The following TMEM120B variants were observed in gnomAD, a reference collection of about 807,000 sequenced individuals.
TMEM120B encodes the protein transmembrane protein 120B.
A neutral mutation model predicts 55.5 loss-of-function variants in TMEM120B; 31 were observed. The ratio of observed to expected loss-of-function variants is 0.56; its 90% CI spans 0.42 to 0.75. The LOEUF is 0.75. Among genes scored for constraint, TMEM120B ranks in the 30% least tolerant of loss-of-function variants. The pLI is 0.00. For synonymous variants in TMEM120B, 203 were observed against 176.3 expected, an observed-to-expected ratio of 1.15 and a Z score of -1.20; for missense variants, 399 against 425.5, an observed-to-expected ratio of 0.94 and a Z score of 0.55.
chr12:121,746,624 G>T (rs1167350058), intron 2 of TMEM120B, among the ~76,000 whole-genome samples: 1 of 152,086 alleles, frequency 6.6e-6, no homozygotes, highest in African/African-American at 2.4e-5. Flanking sequence ...TATGTGCTGG[G>T]ACTATAACAT....
intron 1 of TMEM120B, among the ~76,000 whole-genome samples, chr12:121,726,576 C>A (rs1448391275): frequency 9.7e-6 from 1 of 102,862 alleles, no homozygotes. Context: ...GAGACTCTGT[C>A]TCAAAAAAAA....
chr12:121,716,103 G>A (rs1014347529), intron 1 of TMEM120B, among the ~76,000 whole-genome samples: 3 of 150,842 alleles, frequency 2.0e-5, no homozygotes, highest in African/African-American at 7.3e-5. Flanking sequence ...AGCAGTTTGA[G>A]ACCAGCCTGG....
At chr12:121,714,420 TAA>T (rs979703197) in intron 1 of TMEM120B, among the ~76,000 whole-genome samples, 1 of 151,674 alleles carries the variant, frequency 6.6e-6, no homozygotes, top group African/African-American at 2.4e-5. Context: ...CGTGCCCGGC[TAA>T]TTTTTTTGTG....
In TMEM120B at chr12:121,775,498, C is replaced by T. The variant is rs966617173; in HGVS notation, c.907-111C>T. On this transcript the variant is annotated intron_variant, in intron 11 of 11. Coordinates refer to ENST00000449592, the MANE Select transcript of TMEM120B (RefSeq NM_001080825.2). The surrounding 1 kb of genome is among the most constrained non-coding windows in gnomAD (Gnocchi z 4.3). ...GAATCTCTGCCTTCGATGGCAAAACCCTGCAGTTTGGGAGTTTGGGGGCAG... is the reference window on the plus strand; with the variant it reads ...GAATCTCTGCCTTCGATGGCAAAACTCTGCAGTTTGGGAGTTTGGGGGCAG... 2.0e-6 allele frequency: 3 copies of T among 1,479,278 alleles called. No homozygotes were observed. The highest frequency in any genetic ancestry group is 2.7e-6 in the Non-Finnish European group (3 of 1,119,060). The allele number at this position is 1,479,278 out of a possible 1,614,324, so 91.6% of individuals were successfully genotyped here.
At chr12:121,754,617 G>A (rs901834451) in intron 5 of TMEM120B, among the ~76,000 whole-genome samples, 13 of 152,158 alleles carry the variant, frequency 8.5e-5, no homozygotes, top group Admixed American at 6.6e-4. Flanking sequence ...TGTTTCACTC[G>A]CCTCTGTCTC....
rs530446915 is a variant in TMEM120B at position 121,735,663 on chromosome 12, C to G, written c.70-7966C>G. 2.0e-5 allele frequency among the ~76,000 whole-genome samples: 3 copies of G among 150,196 alleles called. No homozygotes were observed. In the East Asian group the frequency reaches 5.9e-4, roughly 30 times the overall value. On this transcript the variant is annotated intron_variant, in intron 1 of 11. Transcript: ENST00000449592. ...CCGCCTGCCTTGGCCTCCCAAAATG[C>G]TGGGATTACAGGCATGAGCCACCGT...
In TMEM120B at chr12:121,758,703, A is replaced by G. The variant is rs559038224; in HGVS notation, c.462-2946A>G. The G allele has an allele frequency of 3.8e-4, 369 of 977,374 alleles. 2 individuals carry two copies. The African/African-American group carries it at 6.2e-3, about 16-fold the overall frequency. The allele number at this position is 977,374 out of a possible 1,614,324, so 60.5% of individuals were successfully genotyped here. A position where few individuals can be genotyped will look rare whatever the true frequency, so the allele number is the denominator to read the frequency against. ...GGCCTAGCTCCACGCTGTGGTCACCATGGAGGAGGACGGCCCAGCTCCACG... is the reference window on the plus strand; with the variant it reads ...GGCCTAGCTCCACGCTGTGGTCACCGTGGAGGAGGACGGCCCAGCTCCACG... On this transcript the variant is annotated intron_variant, in intron 5 of 11. Transcript: ENST00000449592.
intron 1 of TMEM120B, among the ~76,000 whole-genome samples, chr12:121,729,296 T>TC (rs549893817): frequency 5.6e-4 from 85 of 152,206 alleles, no homozygotes; most frequent in African/African-American, 1.8e-3. Context: ...AAAGCACAGA[T>TC]CCAACTGAGG....
In TMEM120B at chr12:121,775,744, G is replaced by C; in HGVS notation, c.*22G>C. ...GTGAGCCTCGGGCTCCTGTGCCCTC[G>C]GCCCGGACTTCAGACTGCAGGGGGC... On this transcript the variant is annotated 3_prime_UTR_variant, in exon 12 of 12. Coordinates refer to ENST00000449592, the MANE Select transcript of TMEM120B (RefSeq NM_001080825.2). This position sits in a 1 kb window ranked among gnomAD's most constrained non-coding sequence, Gnocchi z 4.3. 3 of 1,612,580 alleles carry C rather than the reference G, an allele frequency of 1.9e-6. No homozygotes were observed. Among genetic ancestry groups the C allele is most frequent in the Non-Finnish European group, 1.7e-6 (2 of 1,179,588 alleles).
chr12:121,773,951 CTTTTTTTTTT>C (rs560321014), intron 9 of TMEM120B, among the ~76,000 whole-genome samples: 1 of 96,614 alleles, frequency 1.0e-5, no homozygotes, highest in South Asian at 3.3e-4. Context: ...ACTCTGCTAT[CTTTTTTTTTT>C]TTTTTTTTTT....
chr12:121,747,151 A>G (rs2137156315), intron 2 of TMEM120B, among the ~76,000 whole-genome samples: 1 of 152,160 alleles, frequency 6.6e-6, no homozygotes, highest in East Asian at 1.9e-4. Flanking sequence ...TAAGGCAGAG[A>G]GGTTTAAGGA....
chr12:121,752,280 C>G, intron 5 of TMEM120B, 57 bp downstream of exon 5: 1 of 1,478,350 alleles, frequency 6.8e-7, no homozygotes, highest in Non-Finnish European at 9.4e-7. Flanking sequence ...AGGTGGGGGC[C>G]GGGAGAGAGG....
intron 1 of TMEM120B, among the ~76,000 whole-genome samples, chr12:121,728,035 T>A (rs1894929321): frequency 6.6e-6 from 1 of 151,644 alleles, no homozygotes; most frequent in Non-Finnish European, 1.5e-5. Flanking sequence ...TAAGACAGAG[T>A]CTCACTCTGT....
In TMEM120B at chr12:121,752,239, G is replaced by A. The variant is rs370130212; in HGVS notation, c.461+16G>A. 15 of 1,609,264 alleles carry A rather than the reference G, an allele frequency of 9.3e-6. No homozygotes were observed. The highest frequency in any genetic ancestry group is 1.2e-5 in the Non-Finnish European group (14 of 1,176,126). Reference sequence around the variant, plus strand: ...TTCACTACAGGTAGTGGGTGTGGCCGTGTGTGCCTGGGCCTGGGCATGCAG... The same window carrying A: ...TTCACTACAGGTAGTGGGTGTGGCCATGTGTGCCTGGGCCTGGGCATGCAG... On this transcript the variant is annotated intron_variant, in intron 5 of 11. Coordinates refer to ENST00000449592, the MANE Select transcript of TMEM120B (RefSeq NM_001080825.2).
rs1874419046 is a variant in TMEM120B at position 121,780,715 on chromosome 12, G to A, written c.*4993G>A. On this transcript the variant is annotated 3_prime_UTR_variant, in exon 12 of 12. Transcript: ENST00000449592. ...GGGAGTAGTCGTGTAAAGTGCTCAG[G>A]TCCACAGGCCATCAATACTAATAGT... The A allele has an allele frequency of 1.2e-6, 1 of 835,330 alleles. No individual in the cohort carries two copies. Among genetic ancestry groups the A allele is most frequent in the East Asian group, 2.7e-5 (1 of 37,240 alleles). 51.7% of individuals were successfully genotyped at this position (835,330 alleles called of 1,614,324 possible). A position where few individuals can be genotyped will look rare whatever the true frequency, so the allele number is the denominator to read the frequency against.
Position 121,779,245 on chromosome 12 carries a change from C to A in TMEM120B, c.*3523C>A. The A allele has an allele frequency of 1.9e-6, 1 of 539,170 alleles. No homozygotes were observed. The highest frequency in any genetic ancestry group is 3.3e-6 in the Non-Finnish European group (1 of 298,538). 33.4% of individuals were successfully genotyped at this position (539,170 alleles called of 1,614,324 possible). A position where few individuals can be genotyped will look rare whatever the true frequency, so the allele number is the denominator to read the frequency against. On this transcript the variant is annotated 3_prime_UTR_variant, in exon 12 of 12. Coordinates refer to ENST00000449592, the MANE Select transcript of TMEM120B (RefSeq NM_001080825.2). ...GTGGTGGGGGTGGCTGTGATGAGGG[C>A]ACTTGCGAGTCCCGACAACAGACAC...
At chr12:121,741,796 C>T (rs1390440004) in intron 1 of TMEM120B, among the ~76,000 whole-genome samples, 1 of 151,890 alleles carries the variant, frequency 6.6e-6, no homozygotes, top group Non-Finnish European at 1.5e-5. Flanking sequence ...CCATGCCCAA[C>T]TTGAAATTAT....
chr12:121,750,982 C>CACCCCACACCCCAT (rs1873294091), intron 4 of TMEM120B, among the ~76,000 whole-genome samples: 1 of 80,940 alleles, frequency 1.2e-5, no homozygotes, highest in African/African-American at 5.0e-5. Flanking sequence ...CCCACACCCA[C>CACCCCACACCCCAT]ACCCCACACC....
At chr12:121,768,572 G>T (rs73411785) in intron 6 of TMEM120B, among the ~76,000 whole-genome samples, 7,365 of 152,254 alleles carry the variant, frequency 0.048, 231 homozygotes, top group African/African-American at 0.071. Context: ...AGTCCCAAGA[G>T]AGTTCTGGAG....
Sources: gnomAD v4.1 joint callset for allele counts (sites outside exome capture counted in the v4.1 genomes callset) on GRCh38, gnomAD v4.1.1 for gene constraint, Gnocchi (gnomAD v3.1) non-coding constraint, MANE v1.5 for transcripts, NCBI Gene and HGNC (gene_info 2026-07-23, HGNC 2026-07-21) for gene names.